The following NAA16 variants were observed in gnomAD, a reference collection of about 807,000 sequenced individuals.
NAA16 encodes NARG1-like protein.
A neutral mutation model predicts 110.3 loss-of-function variants in NAA16; 97 were observed. The ratio of observed to expected loss-of-function variants is 0.88; its 90% CI spans 0.75 to 1.04. The LOEUF is 1.04. NAA16 is among the 50% of genes least tolerant of loss of function. The pLI, the probability that NAA16 is intolerant of heterozygous loss-of-function variation, is 0.00. For synonymous variants in NAA16, 372 were observed against 330.6 expected (o/e 1.13, Z -1.36); for missense variants, 1,017 against 1,005.1 (o/e 1.01, Z -0.16).
Position 41,316,926 on chromosome 13 carries a change from T to C in NAA16, c.135T>C (p.His45=), listed in dbSNP as rs1357835131. 1 of 1,609,224 alleles carries C rather than the reference T, an allele frequency of 6.2e-7. No individual in the cohort carries two copies. The highest frequency in any genetic ancestry group is 8.5e-7 in the Non-Finnish European group (1 of 1,175,674). The change falls in exon 2 of 20, where the codon CAT becomes CAC. Residue 45 remains histidine, a synonymous_variant. Coordinates refer to ENST00000379406, the MANE Select transcript of NAA16 (RefSeq NM_024561.5). ...MILSNPKFAE[H]GETLAMKGLT... ...TGTCGAACCCAAAATTTGCTGAACA[T>C]GGAGGTATTGTCTCATGTGAGAGAT...
In NAA16 at chr13:41,336,688, G is replaced by T; in HGVS notation, c.946G>T (p.Val316Phe). 1.2e-6 allele frequency: 2 copies of T among 1,608,540 alleles called. No individual in the cohort carries two copies. The highest frequency in any genetic ancestry group is 1.7e-6 in the Non-Finnish European group (2 of 1,177,090). Residue 316 changes from valine to phenylalanine, a missense_variant, in exon 9 of 20, where the codon GTT becomes TTT. Coordinates refer to ENST00000379406, the MANE Select transcript of NAA16 (RefSeq NM_024561.5). ...FRELMDKFLR[V>F]NFSKGCPPLF... ...AGAACTAATGGATAAGTTCCTGAGG[G>T]TTAACTTCAGTAAAGGCTGCCCACC...
Position 41,367,548 on chromosome 13 carries a change from G to A in NAA16, c.1649G>A (p.Arg550Lys). 6.2e-7 allele frequency: 1 copy of A among 1,613,204 alleles called. No homozygotes were observed. The highest frequency in any genetic ancestry group is 1.1e-5 in the South Asian group (1 of 91,060). Reference protein sequence around the residue: ...DLLRLEDILRRHAFYFKAARS... With the variant: ...DLLRLEDILRKHAFYFKAARS... ...TTGAGATTAGAAGATATACTCAGAA[G>A]ACATGCCTTTTATTTCAAGGCTGCT... Residue 550 changes from arginine (R) to lysine (K), a missense_variant, in exon 14 of 20, where the codon AGA becomes AAA. Coordinates refer to ENST00000379406, the MANE Select transcript of NAA16 (RefSeq NM_024561.5).
Position 41,323,060 on chromosome 13 carries a change from C to G in NAA16, c.407C>G (p.Thr136Arg). 3 of 1,612,562 alleles carry G rather than the reference C, an allele frequency of 1.9e-6. No homozygotes were observed. Among genetic ancestry groups the G allele is most frequent in the Non-Finnish European group, 2.5e-6 (3 of 1,179,552 alleles). The part of the protein sequence containing the change: ...QMRDLEGYRE[T>R]RYQLLQLRPT... ...AAGTTAAAACTTTTTTTTTAGGAGA[C>G]AAGATACCAGCTTCTTCAGTTGCGC... Residue 136 changes from threonine to arginine, a missense_variant, in exon 5 of 20, where the codon ACA becomes AGA. By Grantham distance (71) the Thr-to-Arg change is moderately conservative. Coordinates refer to ENST00000379406, the MANE Select transcript of NAA16 (RefSeq NM_024561.5).
Position 41,331,420 on chromosome 13 carries a change from A to G in NAA16, c.907+51A>G, listed in dbSNP as rs555882023. The G allele has an allele frequency of 1.0e-5, 13 of 1,271,734 alleles. No homozygotes were observed. The African/African-American group carries it at 1.1e-4, about 10-fold the overall frequency. 78.8% of individuals were successfully genotyped at this position (1,271,734 alleles called of 1,614,324 possible). On this transcript the variant is annotated intron_variant, in intron 8 of 19. Transcript: ENST00000379406. ...ATTAATTATTTGTCAGAATTACTCA[A>G]TGTTATTTATATTTTAGAAACGTGT...
At chr13:41,358,272 T>C in intron 10 of NAA16, 32 bp from the exon 11 acceptor site, 1 of 1,561,630 alleles carries the variant, frequency 6.4e-7, no homozygotes, top group Non-Finnish European at 8.8e-7. Context: ...TTACATTCTT[T>C]CTATAATAAT....
At position 41,372,458 on chromosome 13, in the gene NAA16, G is replaced by A. The variant is rs539502712; in HGVS notation, c.2056+147G>A. ...TTTTCCTTGGCTACTCGAAACTTAG[G>A]TGGGTAATAAATTAGAATAGTACTA... On this transcript the variant is annotated intron_variant, in intron 16 of 19. Coordinates refer to ENST00000379406, the MANE Select transcript of NAA16 (RefSeq NM_024561.5). 1.1e-4 allele frequency: 145 copies of A among 1,345,276 alleles called. No individual in the cohort carries two copies. In the African/African-American group the frequency reaches 2.0e-3, roughly 18 times the overall value. The allele number at this position is 1,345,276 out of a possible 1,614,324, so 83.3% of individuals were successfully genotyped here.
chr13:41,351,085 G>C (rs932534913), intron 9 of NAA16, among the ~76,000 whole-genome samples: 1 of 152,160 alleles, frequency 6.6e-6, no homozygotes, highest in African/African-American at 2.4e-5. Flanking sequence ...GCCTAGGCTG[G>C]TACACTTTGA....
rs372933273 is a variant in NAA16, at chr13:41,372,685, A to G, written c.2057-47A>G. 3.4e-6 allele frequency: 5 copies of G among 1,486,822 alleles called. No individual in the cohort carries two copies. In the African/African-American group the frequency reaches 5.7e-5, roughly 17 times the overall value. 92.1% of individuals were successfully genotyped at this position (1,486,822 alleles called of 1,614,324 possible). ...GAGACTGAAATAAAGTGAGGAAAAT[A>G]CTGTGTAAGTATTAATGCTATTACT... On this transcript the variant is annotated intron_variant, in intron 16 of 19. Transcript: ENST00000379406.
Position 41,320,732 on chromosome 13 carries a change from C to G in NAA16, c.310C>G (p.Arg104Gly). ...ATATGATGAAGCTATAAAATGTTAC[C>G]GAAATGCCCTCAAATTAGATAAAGA... ...KKYDEAIKCY[R>G]NALKLDKDNL... The change falls in exon 4 of 20, where the codon CGA becomes GGA. Residue 104 changes from arginine to glycine, a missense_variant. Physicochemically the swap from Arg to Gly is moderately radical, Grantham distance 125 (BLOSUM62 -2). Coordinates refer to ENST00000379406, the MANE Select transcript of NAA16 (RefSeq NM_024561.5). 1 of 1,613,098 alleles carries G rather than the reference C, an allele frequency of 6.2e-7. No individual in the cohort carries two copies. Among genetic ancestry groups the G allele is most frequent in the Non-Finnish European group, 8.5e-7 (1 of 1,179,808 alleles).
intron 8 of NAA16, among the ~76,000 whole-genome samples, chr13:41,334,869 G>A (rs1218848015): frequency 6.6e-6 from 1 of 150,550 alleles, no homozygotes; most frequent in Non-Finnish European, 1.5e-5. Flanking sequence ...TTGTGCATGT[G>A]TGAGCCAAAA....
At chr13:41,362,403 T>G (rs2043131086) in intron 13 of NAA16, 1 of 400,798 alleles carries the variant, frequency 2.5e-6, no homozygotes, top group Non-Finnish European at 4.5e-6. Context: ...TAGTAAACAA[T>G]TATTGCTATT....
rs929437150 is a variant in NAA16, at chr13:41,373,245, TTTG to T, written c.2156-381_2156-379del. 92 of 803,414 alleles carry T rather than the reference TTTG, an allele frequency of 1.1e-4. No homozygotes were observed. In the East Asian group the frequency reaches 2.3e-3, roughly 20 times the overall value. The allele number at this position is 803,414 out of a possible 1,614,324, so 49.8% of individuals were successfully genotyped here. A position where few individuals can be genotyped will look rare whatever the true frequency, so the allele number is the denominator to read the frequency against. On this transcript the variant is annotated intron_variant, in intron 17 of 19. Coordinates refer to ENST00000379406, the MANE Select transcript of NAA16 (RefSeq NM_024561.5). Reference sequence around the variant, plus strand: ...AAATCAAGTTTAATAATAAAGGTTTTTTGTTGTTGTTGTGTTTTTTGTTTTTTT... The same window carrying T: ...AAATCAAGTTTAATAATAAAGGTTTTTTGTTGTTGTGTTTTTTGTTTTTTT...
intron 10 of NAA16, among the ~76,000 whole-genome samples, chr13:41,355,719 C>T (rs2042965315): frequency 6.6e-6 from 1 of 152,154 alleles, no homozygotes; most frequent in South Asian, 2.1e-4. Flanking sequence ...TGAGCCACCA[C>T]ACCTGGGCTT....
chr13:41,319,822 A>T (rs536100572), intron 3 of NAA16, among the ~76,000 whole-genome samples: 106 of 152,208 alleles, frequency 7.0e-4, no homozygotes, highest in Middle Eastern at 6.8e-3. Flanking sequence ...TGGCCAAAAA[A>T]AAATTTTTTT....
chr13:41,345,950 G>T (rs2042670635), intron 9 of NAA16, among the ~76,000 whole-genome samples: 1 of 152,102 alleles, frequency 6.6e-6, no homozygotes, highest in Admixed American at 6.5e-5. Flanking sequence ...GTTCTGCTAC[G>T]GGTTGTCTTT....
At chr13:41,330,159 A>G (rs757029789) in intron 7 of NAA16, among the ~76,000 whole-genome samples, 21 of 151,902 alleles carry the variant, frequency 1.4e-4, no homozygotes, top group Non-Finnish European at 2.8e-4. Context: ...AAGTCTCCAA[A>G]TCATTAACAG....
intron 8 of NAA16, 72 bp downstream of exon 8, chr13:41,331,441 C>T (rs942250627): frequency 2.4e-5 from 27 of 1,136,790 alleles, no homozygotes; most frequent in African/African-American, 3.2e-5. Context: ...ATTTTAGAAA[C>T]GTGTTTCTGG....
chr13:41,341,979 C>A (rs1299507618), intron 9 of NAA16, among the ~76,000 whole-genome samples: 41 of 138,644 alleles, frequency 3.0e-4, no homozygotes, highest in Middle Eastern at 5.0e-3. Flanking sequence ...CTACAGGCGC[C>A]CGCTACCATG....
At chr13:41,362,686 C>T (rs766888276) in intron 13 of NAA16, 190 of 1,288,638 alleles carry the variant, frequency 1.5e-4, no homozygotes, top group Non-Finnish European at 1.9e-4. Context: ...CTTTTCTTTT[C>T]CTTTGTGTGA....
Sources: allele counts gnomAD v4.1 joint callset (sites outside exome capture counted in the v4.1 genomes callset), GRCh38; gene constraint gnomAD v4.1.1; transcripts MANE v1.5; gene names NCBI Gene and HGNC (gene_info 2026-07-23, HGNC 2026-07-21).